Variants in NPAS1 observed in about 807,000 individuals in gnomAD.
The protein encoded by NPAS1 is neuronal PAS domain protein 1, also known as neuronal PAS domain-containing protein 1.
In NPAS1, 29 loss-of-function variants were observed where a neutral mutation model predicts 49.2. The ratio of observed to expected loss-of-function variants is 0.59; its 90% CI spans 0.44 to 0.80. The LOEUF is 0.80. NPAS1 is among the 30% of genes least tolerant of loss of function. The probability of loss-of-function intolerance (pLI) is 0.00; values close to 1 mark genes in which losing one functional copy is unlikely to be tolerated. For synonymous variants in NPAS1, 408 were observed against 380.4 expected (o/e 1.07, Z -0.84); for missense variants, 825 against 835.5 (o/e 0.99, Z 0.15).
intron 8 of NPAS1, among the ~76,000 whole-genome samples, chr19:47,039,962 G>C (rs905325870): frequency 1.3e-5 from 2 of 152,112 alleles, no homozygotes; most frequent in African/African-American, 4.8e-5. Flanking sequence ...GGGTGCCTAG[G>C]GCCTTGCCAC....
intron 10 of NPAS1, among the ~76,000 whole-genome samples, chr19:47,041,673 T>C (rs1483423441): frequency 6.6e-6 from 1 of 152,108 alleles, no homozygotes; most frequent in Non-Finnish European, 1.5e-5. Context: ...TCAGATCTGC[T>C]TTTTAGAAAG....
At position 47,040,855 on chromosome 19, in the gene NPAS1, C is replaced by A. The variant is rs796240465; in HGVS notation, c.1070-123C>A. Reference sequence around the variant, plus strand: ...TGTGCTTTCACCTTTTTCTCTTCTCCCCACCGTCTCCCTGCCCACTCCCCT... The same window carrying A: ...TGTGCTTTCACCTTTTTCTCTTCTCACCACCGTCTCCCTGCCCACTCCCCT... On this transcript the variant is annotated intron_variant, in intron 9 of 11. Coordinates refer to ENST00000602212, the MANE Select transcript of NPAS1 (RefSeq NM_002517.4). 5.9e-5 allele frequency: 47 copies of A among 800,392 alleles called. No individual in the cohort carries two copies. In the African/African-American group the frequency reaches 7.2e-4, roughly 12 times the overall value. The allele number at this position is 800,392 out of a possible 1,614,324, so 49.6% of individuals were successfully genotyped here.
At position 47,032,672 on chromosome 19, in the gene NPAS1, C is replaced by T. The variant is rs746299030; in HGVS notation, c.462C>T (p.Asn154=). The part of the protein sequence containing the change: ...QSLDGFVFAL[N]QEGKFLYISE... ...TGGATGGCTTTGTGTTCGCCTTGAA[C>T]CAGGAAGGAAAATTCCTCTACATCT... The change falls in exon 5 of 12, where the codon AAC becomes AAT. Residue 154 remains asparagine, a synonymous_variant. Coordinates refer to ENST00000602212, the MANE Select transcript of NPAS1 (RefSeq NM_002517.4). 3 of 1,614,028 alleles carry T rather than the reference C, an allele frequency of 1.9e-6. No individual in the cohort carries two copies. The highest frequency in any genetic ancestry group is 1.3e-5 in the African/African-American group (1 of 74,924).
At chr19:47,035,008 C>G (rs894754269) in intron 5 of NPAS1, among the ~76,000 whole-genome samples, 1 of 151,296 alleles carries the variant, frequency 6.6e-6, no homozygotes, top group Admixed American at 6.6e-5. Context: ...ATGGAGAAAC[C>G]CCGTCTGTAC....
chr19:47,030,665 T>G, intron 3 of NPAS1, among the ~76,000 whole-genome samples: 1 of 51,872 alleles, frequency 1.9e-5, no homozygotes, highest in Non-Finnish European at 4.0e-5. Flanking sequence ...TTTTTTTTTT[T>G]TTGTCTGAGA....
In NPAS1 at chr19:47,032,726, C is replaced by T. The variant is rs768243949; in HGVS notation, c.516C>T (p.Leu172=). 6.2e-6 allele frequency: 10 copies of T among 1,613,424 alleles called. No individual in the cohort carries two copies. The highest frequency in any genetic ancestry group is 6.8e-6 in the Non-Finnish European group (8 of 1,179,370). Residue 172 remains leucine, a synonymous_variant, in exon 5 of 12, where the codon CTC becomes CTT. Transcript: ENST00000602212. ...AGACAGTCTCCATCTATCTGGGTCT[C>T]TCACAGGTAAGGGACCCCCAGTGGA... The part of the protein sequence containing the change: ...ISETVSIYLG[L]SQVEMTGSSV...
At chr19:47,030,636 CTTTTTTTTTTTTTTTTT>C (rs55931402) in intron 3 of NPAS1, among the ~76,000 whole-genome samples, 2 of 96,788 alleles carry the variant, frequency 2.1e-5, no homozygotes, top group Non-Finnish European at 4.0e-5. Flanking sequence ...GGCCCTTTGC[CTTTTTTTTTTTTTTTTT>C]TTTTTTTTTT....
chr19:47,042,431 T>C (rs1253263359), intron 10 of NPAS1, among the ~76,000 whole-genome samples: 2 of 152,032 alleles, frequency 1.3e-5, no homozygotes, highest in African/African-American at 2.4e-5. Context: ...CCAGACTCTA[T>C]GGGGGAGGAG....
intron 5 of NPAS1, among the ~76,000 whole-genome samples, chr19:47,034,775 C>T (rs1035133350): frequency 2.0e-5 from 3 of 152,144 alleles, no homozygotes; most frequent in African/African-American, 7.2e-5. Context: ...ACTCCAGAGG[C>T]TGAGGCAGAA....
intron 6 of NPAS1, among the ~76,000 whole-genome samples, chr19:47,038,825 CA>C (rs879466330): frequency 3.8e-4 from 55 of 144,892 alleles, no homozygotes; most frequent in Non-Finnish European, 3.0e-4. Context: ...TATTCAGTCT[CA>C]AAAAAAAAAA....
Position 47,034,994 on chromosome 19 carries a change from CA to C in NPAS1, c.523-968del, listed in dbSNP as rs368545378. On this transcript the variant is annotated intron_variant, in intron 5 of 11. Coordinates refer to ENST00000602212, the MANE Select transcript of NPAS1 (RefSeq NM_002517.4). ...GTCGGGAGTTTGAGACCAGCCTGAC[CA>C]ACATGGAGAAACCCCGTCTGTACTA... 3.0e-3 allele frequency among the ~76,000 whole-genome samples: 450 copies of C among 151,828 alleles called. 2 individuals carry two copies. Among genetic ancestry groups the C allele is most frequent in the African/African-American group, 0.011 (434 of 41,204 alleles).
Position 47,019,971 on chromosome 19 carries a change from C to G in NPAS1, c.-69C>G, listed in dbSNP as rs1264253237. On this transcript the variant is annotated 5_prime_UTR_variant, in exon 1 of 12. Transcript: ENST00000602212. Reference sequence around the variant, plus strand: ...CCGCGCCCGGAGCCTGCTCTGCGGCCAAGTAATCGGACTGGCGGTCCTGCG... The same window carrying G: ...CCGCGCCCGGAGCCTGCTCTGCGGCGAAGTAATCGGACTGGCGGTCCTGCG... 7.6e-6 allele frequency: 3 copies of G among 395,008 alleles called. No homozygotes were observed. The highest frequency in any genetic ancestry group is 4.4e-5 in the Admixed American group (1 of 22,564). 24.5% of individuals were successfully genotyped at this position (395,008 alleles called of 1,614,324 possible).
chr19:47,038,067 G>C (rs1317107091), intron 6 of NPAS1, among the ~76,000 whole-genome samples: 2 of 152,190 alleles, frequency 1.3e-5, no homozygotes, highest in Non-Finnish European at 2.9e-5. Context: ...GGGGATGGCT[G>C]ACCCAGCCTG....
At chr19:47,035,747 A>T in intron 5 of NPAS1, 1 of 527,586 alleles carries the variant, frequency 1.9e-6, no homozygotes, top group Non-Finnish European at 3.3e-6. Context: ...GCGGGGAAAA[A>T]TCCTTACTAA....
At chr19:47,035,119 C>T (rs189595613) in intron 5 of NPAS1, among the ~76,000 whole-genome samples, 1 of 148,778 alleles carries the variant, frequency 6.7e-6, no homozygotes, top group Non-Finnish European at 1.5e-5. Context: ...AGGCAGAGGT[C>T]ACGGTGAGCC....
rs1001891443 is a variant in NPAS1 at position 47,028,027 on chromosome 19, G to A, written c.359-4251G>A. 3.3e-5 allele frequency among the ~76,000 whole-genome samples: 5 copies of A among 151,888 alleles called. No individual in the cohort carries two copies. In the East Asian group the frequency reaches 5.8e-4, roughly 18 times the overall value. On this transcript the variant is annotated intron_variant, in intron 3 of 11. Transcript: ENST00000602212. Reference sequence around the variant, plus strand: ...CAGTCAGTGATCAGGAGACTCTGGGGGTCCCTTTCACAGGGGACCGGACCC... The same window carrying A: ...CAGTCAGTGATCAGGAGACTCTGGGAGTCCCTTTCACAGGGGACCGGACCC...
At chr19:47,037,142 G>A (rs1170025968) in intron 6 of NPAS1, among the ~76,000 whole-genome samples, 4 of 149,996 alleles carry the variant, frequency 2.7e-5, no homozygotes, top group South Asian at 2.1e-4. Flanking sequence ...ACCTGAGGTC[G>A]GGAGTTCGAG....
rs536883038 is a variant in NPAS1 at position 47,045,426 on chromosome 19, C to G, written c.1548C>G (p.Pro516=). 6.2e-6 allele frequency: 10 copies of G among 1,606,266 alleles called. No individual in the cohort carries two copies. The East Asian group carries it at 1.8e-4, about 29-fold the overall frequency. The change falls in exon 12 of 12, where the codon CCC becomes CCG. Residue 516 remains proline (P), a synonymous_variant. Coordinates refer to ENST00000602212, the MANE Select transcript of NPAS1 (RefSeq NM_002517.4). Reference sequence around the variant, plus strand: ...TGCGGCCATGGGGCCTGGCGCCTCCCGGGGACCCCCCGCCCACCCTCCTGC... The same window carrying G: ...TGCGGCCATGGGGCCTGGCGCCTCCGGGGGACCCCCCGCCCACCCTCCTGC... ...DPVRPWGLAP[P]GDPPPTLLHA... is the part of the protein sequence containing the mutation.
Position 47,045,365 on chromosome 19 carries a change from C to G in NPAS1, c.1487C>G (p.Ser496Cys). The change falls in exon 12 of 12, where the codon TCT becomes TGT. Residue 496 changes from serine to cysteine, a missense_variant. Coordinates refer to ENST00000602212, the MANE Select transcript of NPAS1 (RefSeq NM_002517.4). ...HPATPRPEFT[S>C]VIRAGVLKQD... Reference sequence around the variant, plus strand: ...GCCACACCGAGGCCCGAGTTCACCTCTGTCATCCGGGCAGGGGTCCTGAAG... The same window carrying G: ...GCCACACCGAGGCCCGAGTTCACCTGTGTCATCCGGGCAGGGGTCCTGAAG... 6.2e-7 allele frequency: 1 copy of G among 1,613,682 alleles called. No homozygotes were observed. Among genetic ancestry groups the G allele is most frequent in the Non-Finnish European group, 8.5e-7 (1 of 1,179,942 alleles).
Sources: allele counts gnomAD v4.1 joint callset (sites outside exome capture counted in the v4.1 genomes callset), GRCh38; gene constraint gnomAD v4.1.1; transcripts MANE v1.5; gene names NCBI Gene and HGNC (gene_info 2026-07-23, HGNC 2026-07-21).